Variants in ERICH1 observed in about 807,000 individuals in gnomAD.
ERICH1 encodes the protein glutamate-rich protein 1.
Under a neutral mutation model 39.6 loss-of-function variants are expected in ERICH1, and 56 were observed. The observed-to-expected ratio is 1.41, with a 90% CI of 1.14 to 1.77. The LOEUF (loss-of-function observed/expected upper bound fraction) is 1.77. Ranked by LOEUF, ERICH1 falls within the 40% of genes most tolerant of loss-of-function variation. The pLI is 0.00. For missense variants in ERICH1, 826 were observed against 575.4 expected, an observed-to-expected ratio of 1.44 and a Z score of -4.45; for synonymous variants, 313 against 223.6, an observed-to-expected ratio of 1.40 and a Z score of -3.57.
chr8:720,163 G>T (rs7831026), intron 1 of ERICH1, among the ~76,000 whole-genome samples: 1 of 152,204 alleles, frequency 6.6e-6, no homozygotes. Flanking sequence ...GGAGGAAGAG[G>T]AATGTCCTGG....
chr8:641,766 T>C (rs1368565009), intron 3 of ERICH1, among the ~76,000 whole-genome samples: 1 of 152,134 alleles, frequency 6.6e-6, no homozygotes, highest in African/African-American at 2.4e-5. Flanking sequence ...TCCAGGCTCA[T>C]CTCAGATGCC....
intron 3 of ERICH1, among the ~76,000 whole-genome samples, chr8:642,051 C>T (rs1265875559): frequency 6.6e-6 from 1 of 152,218 alleles, no homozygotes; most frequent in East Asian, 1.9e-4. Context: ...TGTGCCCTTG[C>T]AGGTTCCTGA....
intron 3 of ERICH1, among the ~76,000 whole-genome samples, chr8:622,759 C>A (rs1007350717): frequency 6.6e-5 from 10 of 151,838 alleles, no homozygotes; most frequent in African/African-American, 2.4e-4. Context: ...TTCAGACCAG[C>A]CTTGGCAACA....
At position 674,067 on chromosome 8, in the gene ERICH1, A is replaced by G. The variant is rs769760477; in HGVS notation, c.305-20T>C. ...CCTGATCTGTTAAAAAAATTCAAAT[A>G]TAACAATTTTCAGTACAATGAAACC... On this transcript the variant is annotated intron_variant, in intron 3 of 5. Coordinates refer to ENST00000262109, the MANE Select transcript of ERICH1 (RefSeq NM_207332.3). 5 of 1,517,368 alleles carry G rather than the reference A, an allele frequency of 3.3e-6. No homozygotes were observed. In the African/African-American group the frequency reaches 4.2e-5, roughly 13 times the overall value. The allele number at this position is 1,517,368 out of a possible 1,614,324, so 94.0% of individuals were successfully genotyped here.
At chr8:624,500 A>T (rs1317919534) in intron 3 of ERICH1, among the ~76,000 whole-genome samples, 2 of 152,198 alleles carry the variant, frequency 1.3e-5, no homozygotes, top group African/African-American at 4.8e-5. Context: ...CCTTTCTTGA[A>T]CTGCTATAAA....
intron 3 of ERICH1, chr8:640,974 C>A (rs1798906006): frequency 6.6e-6 from 1 of 152,174 alleles, no homozygotes; most frequent in African/African-American, 2.4e-5. Context: ...ACAAAACACT[C>A]CAGGATAGTT....
chr8:629,898 CACAG>C lies in ERICH1; in HGVS notation c.977-14618_977-14615del, dbSNP rs1387203999. ...ACTCACACCCTCCTGTGAGCACCCA[CACAG>C]ACAGAGCTGACTCACACCCTCCCGT... On this transcript the variant is annotated intron_variant, in intron 3 of 3. Transcript: ENST00000522706. Among the ~76,000 whole-genome samples the C allele has an allele frequency of 2.6e-3, 358 of 135,188 alleles. 7 individuals carry two copies. Among genetic ancestry groups the C allele is most frequent in the African/African-American group, 9.8e-3 (324 of 33,202 alleles). 88.7% of individuals were successfully genotyped at this position (135,188 alleles called of 152,430 possible).
intron 3 of ERICH1, among the ~76,000 whole-genome samples, chr8:680,525 CCG>C: frequency 6.6e-6 from 1 of 151,170 alleles, no homozygotes; most frequent in Non-Finnish European, 1.5e-5. Flanking sequence ...GCCACCTCCC[CCG>C]GTAAACACGG....
chr8:689,118 T>C (rs556790326), intron 3 of ERICH1, among the ~76,000 whole-genome samples: 8 of 111,268 alleles, frequency 7.2e-5, no homozygotes, highest in African/African-American at 2.7e-4. Context: ...ATGATCTTTT[T>C]TTTCTTTTTT....
At chr8:689,896 G>A (rs778931230) in intron 3 of ERICH1, among the ~76,000 whole-genome samples, 10 of 152,146 alleles carry the variant, frequency 6.6e-5, no homozygotes, top group African/African-American at 9.7e-5. Context: ...CCTACGACGC[G>A]CCAGGACCGT....
chr8:623,920 A>T (rs1797439717), intron 3 of ERICH1, among the ~76,000 whole-genome samples: 1 of 152,236 alleles, frequency 6.6e-6, no homozygotes, highest in African/African-American at 2.4e-5. Context: ...TTAAAATTAA[A>T]ACTTTTTTGT....
At chr8:660,079 G>A (rs1478265543), downstream of ERICH1, among the ~76,000 whole-genome samples, 1 of 152,346 alleles carries the variant, frequency 6.6e-6, no homozygotes, top group East Asian at 1.9e-4. Flanking sequence ...GAGGCAACGA[G>A]GTGGGGCTGA....
rs1408989920 is a variant in ERICH1 at position 644,762 on chromosome 8, CACT to C, written c.976+23833_976+23835del. On this transcript the variant is annotated intron_variant, in intron 3 of 3. Coordinates refer to the ERICH1 transcript ENST00000522706. ...CAGACGTGTCACCAACCTATCCAAC[CACT>C]TCTCTCCCTGCAGCAGGTCTTGGGG... Among the ~76,000 whole-genome samples the C allele has an allele frequency of 4.4e-5, 3 of 68,070 alleles. 1 individual carries two copies. In the South Asian group the frequency reaches 1.7e-3, roughly 38 times the overall value. The allele number at this position is 68,070 out of a possible 152,430, so 44.7% of individuals were successfully genotyped here.
chr8:641,859 C>T (rs1257389287), intron 3 of ERICH1, among the ~76,000 whole-genome samples: 7 of 152,246 alleles, frequency 4.6e-5, no homozygotes, highest in Admixed American at 3.9e-4. Context: ...CAAAACCCCA[C>T]GGTGCCTCTG....
At chr8:615,493 GCACTGA>G (rs778702878) in intron 3 of ERICH1, 15 of 450,470 alleles carry the variant, frequency 3.3e-5, no homozygotes, top group Non-Finnish European at 5.4e-5. Context: ...AGGCCTGGGT[GCACTGA>G]CACCATTCCT....
intron 3 of ERICH1, among the ~76,000 whole-genome samples, chr8:689,243 C>G (rs1808365156): frequency 6.6e-6 from 1 of 152,156 alleles, no homozygotes; most frequent in Admixed American, 6.5e-5. Context: ...TCTCGAGTAG[C>G]TGGGATTACA....
At chr8:707,604 T>A (rs1813606001) in intron 2 of ERICH1, among the ~76,000 whole-genome samples, 1 of 152,160 alleles carries the variant, frequency 6.6e-6, no homozygotes, top group South Asian at 2.1e-4. Context: ...TGCAAAGGAA[T>A]GAAGTTGGAA....
chr8:653,051 A>C (rs1174427924), intron 3 of ERICH1, among the ~76,000 whole-genome samples: 1 of 152,252 alleles, frequency 6.6e-6, no homozygotes, highest in Non-Finnish European at 1.5e-5. Flanking sequence ...AATTCCTCAG[A>C]AAATGAAACC....
At chr8:670,897 A>G (rs1373485532) in intron 4 of ERICH1, among the ~76,000 whole-genome samples, 1 of 150,678 alleles carries the variant, frequency 6.6e-6, no homozygotes, top group Non-Finnish European at 1.5e-5. Context: ...CCAACCTCTG[A>G]ACCCGCCGGC....
Sources: gnomAD v4.1 joint callset for allele counts (sites outside exome capture counted in the v4.1 genomes callset) on GRCh38, gnomAD v4.1.1 for gene constraint, MANE v1.5 for transcripts, NCBI Gene and HGNC (gene_info 2026-07-23, HGNC 2026-07-21) for gene names.